FAM184B: variants seen among roughly 807,000 people sequenced by gnomAD.
The protein encoded by FAM184B is protein FAM184B.
In FAM184B, 111 loss-of-function variants were observed where a neutral mutation model predicts 135.9. The observed-to-expected ratio is 0.82, with a 90% confidence interval of 0.70 to 0.96. FAM184B has a LOEUF of 0.96. Ranked by LOEUF, FAM184B falls within the 40% of genes least tolerant of loss-of-function variation. FAM184B has a pLI of 0.00. For synonymous variants in FAM184B, 552 were observed against 524.8 expected, an observed-to-expected ratio of 1.05 and a Z score of -0.71; for missense variants, 1,375 against 1,323.9, an observed-to-expected ratio of 1.04 and a Z score of -0.60.
At chr4:17,707,407 G>A (rs1560181706) in intron 3 of FAM184B, among the ~76,000 whole-genome samples, 1 of 152,182 alleles carries the variant, frequency 6.6e-6, no homozygotes, top group Non-Finnish European at 1.5e-5. Flanking sequence ...ATATCTGGGG[G>A]CAAGGGGTCC....
At chr4:17,645,177 A>G (rs1166174375) in intron 12 of FAM184B, among the ~76,000 whole-genome samples, 5 of 152,234 alleles carry the variant, frequency 3.3e-5, no homozygotes, top group Admixed American at 1.3e-4. Flanking sequence ...TATAGATTCA[A>G]TGCCATCCCC....
rs140211485 is a variant in FAM184B at position 17,705,961 on chromosome 4, G to C, written c.1031-70C>G. ...GGCCTCTTGTTCAAGGCTTTCTGCT[G>C]TCAGGCCCCCGTTCCGCTTTACAAC... On this transcript the variant is annotated intron_variant, in intron 3 of 17. Transcript: ENST00000265018. 2.6e-3 allele frequency: 4,038 copies of C among 1,535,846 alleles called. 20 individuals carry two copies. The highest frequency in any genetic ancestry group is 2.7e-3 in the Non-Finnish European group (3,040 of 1,137,248).
chr4:17,705,270 T>C (rs1308153966), intron 4 of FAM184B, 64 bp from the exon 5 acceptor site: 4 of 1,233,252 alleles, frequency 3.2e-6, no homozygotes, highest in Non-Finnish European at 3.4e-6. Flanking sequence ...GAATCACCAT[T>C]TCCCTTTCAT....
chr4:17,761,658 C>T (rs1002828798), intron 1 of FAM184B, among the ~76,000 whole-genome samples: 2 of 152,178 alleles, frequency 1.3e-5, no homozygotes, highest in African/African-American at 4.8e-5. Context: ...TCCCAAGCAG[C>T]TGGGATTACA....
chr4:17,745,462 C>T (rs183299859), intron 1 of FAM184B, among the ~76,000 whole-genome samples: 6 of 152,322 alleles, frequency 3.9e-5, no homozygotes, highest in Admixed American at 3.9e-4. Context: ...CGGGCTATTT[C>T]TGCCCAACAC....
At chr4:17,672,764 G>C (rs1484033312) in intron 7 of FAM184B, among the ~76,000 whole-genome samples, 2 of 152,136 alleles carry the variant, frequency 1.3e-5, no homozygotes, top group East Asian at 3.8e-4. Context: ...TTGATATGTT[G>C]TTGGATTTGG....
chr4:17,714,621 T>C (rs1577273370), intron 1 of FAM184B, among the ~76,000 whole-genome samples: 1 of 152,158 alleles, frequency 6.6e-6, no homozygotes, highest in East Asian at 1.9e-4. Flanking sequence ...GTTTAACCAT[T>C]CATTAGAGGA....
At chr4:17,706,582 G>A (rs1437436664) in intron 3 of FAM184B, among the ~76,000 whole-genome samples, 1 of 152,178 alleles carries the variant, frequency 6.6e-6, no homozygotes, top group Non-Finnish European at 1.5e-5. Context: ...TTGGATACAA[G>A]CAAGAGCTCT....
rs562134683 is a variant in FAM184B, at chr4:17,709,732, C to G, written c.142-88G>C. The G allele has an allele frequency of 9.7e-6, 12 of 1,235,732 alleles. No homozygotes were observed. The East Asian group carries it at 3.2e-4, about 33-fold the overall frequency. The allele number at this position is 1,235,732 out of a possible 1,614,324, so 76.5% of individuals were successfully genotyped here. ...GACAGAGCAATATTCTCCTGCATGGCGGTTGATCTGCACAAGTGGCACCTG... is the reference window on the plus strand; with the variant it reads ...GACAGAGCAATATTCTCCTGCATGGGGGTTGATCTGCACAAGTGGCACCTG... On this transcript the variant is annotated intron_variant, in intron 1 of 17. Transcript: ENST00000265018.
chr4:17,746,069 T>C (rs1299898340), intron 1 of FAM184B, among the ~76,000 whole-genome samples: 1 of 152,042 alleles, frequency 6.6e-6, no homozygotes, highest in Non-Finnish European at 1.5e-5. Context: ...AGTGATTCTC[T>C]TGCCTCAGCC....
At chr4:17,748,586 G>A (rs1361817674) in intron 1 of FAM184B, among the ~76,000 whole-genome samples, 2 of 142,806 alleles carry the variant, frequency 1.4e-5, no homozygotes, top group Non-Finnish European at 1.5e-5. Context: ...TGGTGATCTC[G>A]GCCCACTGTA....
At chr4:17,757,014 G>A (rs1292896540) in intron 1 of FAM184B, among the ~76,000 whole-genome samples, 1 of 152,180 alleles carries the variant, frequency 6.6e-6, no homozygotes, top group Non-Finnish European at 1.5e-5. Context: ...TCCAGTGACT[G>A]ATAACATCAC....
At chr4:17,775,575 T>C (rs1228591596) in intron 1 of FAM184B, among the ~76,000 whole-genome samples, 1 of 152,222 alleles carries the variant, frequency 6.6e-6, no homozygotes, top group African/African-American at 2.4e-5. Flanking sequence ...TTACCCAACA[T>C]TTGTATTCCA....
At chr4:17,777,916 A>G (rs555529034) in intron 1 of FAM184B, among the ~76,000 whole-genome samples, 1 of 152,206 alleles carries the variant, frequency 6.6e-6, no homozygotes, top group African/African-American at 2.4e-5. Context: ...TGGGCAACAT[A>G]GTGAGACCCT....
At chr4:17,743,654 T>C (rs1327729032) in intron 1 of FAM184B, among the ~76,000 whole-genome samples, 1 of 152,212 alleles carries the variant, frequency 6.6e-6, no homozygotes, top group Non-Finnish European at 1.5e-5. Context: ...CAACAACAGA[T>C]ACTCCTGTAA....
chr4:17,670,501 G>T (rs1295759099), intron 7 of FAM184B, among the ~76,000 whole-genome samples: 1 of 152,188 alleles, frequency 6.6e-6, no homozygotes, highest in Non-Finnish European at 1.5e-5. Context: ...AAGGGAATCT[G>T]CAGGATGTAA....
chr4:17,726,956 G>C (rs1717656964), intron 1 of FAM184B, among the ~76,000 whole-genome samples: 1 of 152,164 alleles, frequency 6.6e-6, no homozygotes, highest in African/African-American at 2.4e-5. Flanking sequence ...CAGGTTGCAT[G>C]GGATCCAGGA....
chr4:17,721,106 TG>T (rs1717513967), intron 1 of FAM184B, among the ~76,000 whole-genome samples: 1 of 150,260 alleles, frequency 6.7e-6, no homozygotes, highest in Non-Finnish European at 1.5e-5. Flanking sequence ...AAATCTCGGC[TG>T]GGCGCGGTGG....
At chr4:17,774,592 C>A (rs1243636215) in intron 1 of FAM184B, among the ~76,000 whole-genome samples, 1 of 152,184 alleles carries the variant, frequency 6.6e-6, no homozygotes, top group African/African-American at 2.4e-5. Context: ...ACTGTTCCAT[C>A]CTTCAATTGC....
Sources: gnomAD v4.1 joint callset for allele counts (sites outside exome capture counted in the v4.1 genomes callset) on GRCh38, gnomAD v4.1.1 for gene constraint, MANE v1.5 for transcripts, NCBI Gene and HGNC (gene_info 2026-07-23, HGNC 2026-07-21) for gene names.